Variants in TXNRD3 observed in about 807,000 individuals in gnomAD.
TXNRD3 encodes the protein TXNRD3 neighbor gene protein.
TXNRD3 carries 68 observed loss-of-function variants against 78.2 expected under a neutral mutation model. That is an observed-to-expected ratio of 0.87 (90% CI 0.72 to 1.06). The LOEUF is 1.06. TXNRD3 is among the 50% of genes least tolerant of loss of function. The probability of loss-of-function intolerance (pLI) is 0.00; values close to 1 mark genes in which losing one functional copy is unlikely to be tolerated. For missense variants in TXNRD3, 751 were observed against 809.5 expected, an observed-to-expected ratio of 0.93 and a Z score of 0.88; for synonymous variants, 296 against 300.1, an observed-to-expected ratio of 0.99 and a Z score of 0.14.
chr3:126,628,476 T>C (rs371649445), intron 10 of TXNRD3, among the ~76,000 whole-genome samples: 5 of 152,106 alleles, frequency 3.3e-5, no homozygotes, highest in Non-Finnish European at 4.4e-5. Context: ...TTTAGCAAGA[T>C]TACTGAATAC....
chr3:126,625,647 TA>T (rs1267920967), intron 10 of TXNRD3, among the ~76,000 whole-genome samples: 1 of 152,164 alleles, frequency 6.6e-6, no homozygotes, highest in African/African-American at 2.4e-5. Context: ...CAACATTATT[TA>T]TAATCCTTTG....
intron 10 of TXNRD3, among the ~76,000 whole-genome samples, chr3:126,628,772 C>A (rs550034503): frequency 8.5e-5 from 13 of 152,144 alleles, no homozygotes; most frequent in Non-Finnish European, 1.6e-4. Flanking sequence ...CCAATCCAAT[C>A]CTAATCAAAA....
intron 9 of TXNRD3, 98 bp from the exon 10 acceptor site, chr3:126,629,569 T>G: frequency 1.1e-6 from 1 of 902,776 alleles, no homozygotes; most frequent in Non-Finnish European, 1.6e-6. Context: ...ATTTGTGTGT[T>G]TGGTGGTGGT....
intron 13 of TXNRD3, among the ~76,000 whole-genome samples, chr3:126,613,853 C>T (rs1411340438): frequency 2.0e-5 from 3 of 152,242 alleles, no homozygotes; most frequent in African/African-American, 4.8e-5. Context: ...TTATACCATA[C>T]ATTCTACTAT....
At chr3:126,644,480 G>T in intron 3 of TXNRD3, 79 bp from the exon 4 acceptor site, 1 of 903,438 alleles carries the variant, frequency 1.1e-6, no homozygotes, top group Non-Finnish European at 1.6e-6. Flanking sequence ...ATGTTCAACT[G>T]GTATGGATTT....
intron 7 of TXNRD3, among the ~76,000 whole-genome samples, chr3:126,633,695 T>G (rs1938780273): frequency 6.6e-6 from 1 of 152,178 alleles, no homozygotes; most frequent in African/African-American, 2.4e-5. Flanking sequence ...AATTTTTAAT[T>G]AAGAGTTCTT....
At chr3:126,630,997 T>C (rs1474556863) in intron 8 of TXNRD3, 60 bp from the exon 9 acceptor site, 1 of 1,451,486 alleles carries the variant, frequency 6.9e-7, no homozygotes, top group Non-Finnish European at 9.3e-7. Flanking sequence ...GAGTTATTCA[T>C]GTTTCAGTGT....
chr3:126,608,448 T>C, intron 15 of TXNRD3, 51 bp downstream of exon 15: 1 of 1,473,588 alleles, frequency 6.8e-7, no homozygotes, highest in Non-Finnish European at 8.9e-7. Flanking sequence ...TTATAATAGT[T>C]TTTCAAACTA....
chr3:126,648,979 C>G (rs1933306089), intron 1 of TXNRD3, among the ~76,000 whole-genome samples: 2 of 152,146 alleles, frequency 1.3e-5, no homozygotes, highest in African/African-American at 2.4e-5. Flanking sequence ...ATAGCCACGG[C>G]ACTCCAGCCT....
intron 14 of TXNRD3, among the ~76,000 whole-genome samples, chr3:126,609,888 T>C (rs1938156238): frequency 6.6e-6 from 1 of 152,168 alleles, no homozygotes; most frequent in South Asian, 2.1e-4. Context: ...TAACAATGTG[T>C]ACAGTCTCTC....
chr3:126,636,268 T>C (rs1306500528), intron 6 of TXNRD3, among the ~76,000 whole-genome samples: 2 of 152,238 alleles, frequency 1.3e-5, no homozygotes, highest in Non-Finnish European at 2.9e-5. Flanking sequence ...ATGTATGTTG[T>C]ATATAATCAT....
At position 126,645,512 on chromosome 3, in the gene TXNRD3, CTTAA is replaced by C. The variant is rs367893858; in HGVS notation, c.414+595_414+598del. On this transcript the variant is annotated intron_variant, in intron 3 of 15. Transcript: ENST00000524230. ...CTTTTTTCTCCACAAAAATATAATTCTTAATTAAAGTCTCAAATACAACTATTTA... is the reference window on the plus strand; with the variant it reads ...CTTTTTTCTCCACAAAAATATAATTCTTAAAGTCTCAAATACAACTATTTA... 5.5e-3 allele frequency among the ~76,000 whole-genome samples: 843 copies of C among 152,240 alleles called. 8 individuals carry two copies. Among genetic ancestry groups the C allele is most frequent in the African/African-American group, 0.019 (786 of 41,532 alleles).
intron 7 of TXNRD3, 99 bp from the exon 8 acceptor site, chr3:126,631,978 A>G: frequency 1.4e-6 from 1 of 716,502 alleles, no homozygotes; most frequent in Non-Finnish European, 2.4e-6. Flanking sequence ...CTCATTCAAC[A>G]GCAACAGCAG....
intron 12 of TXNRD3, among the ~76,000 whole-genome samples, chr3:126,618,443 A>G (rs557895141): frequency 1.3e-5 from 2 of 152,322 alleles, no homozygotes; most frequent in African/African-American, 4.8e-5. Context: ...AATTTTTGAC[A>G]AAGGAACCAA....
chr3:126,646,135 T>C lies in TXNRD3; in HGVS notation c.390A>G (p.Val130=). The C allele has an allele frequency of 6.5e-7, 1 of 1,532,672 alleles. No homozygotes were observed. Among genetic ancestry groups the C allele is most frequent in the African/African-American group, 1.4e-5 (1 of 72,918 alleles). 94.9% of individuals were successfully genotyped at this position (1,532,672 alleles called of 1,614,324 possible). ...CCTGGAAAGTTTGGTCACATCCACC[T>C]ACATGCACTTTATTCACGAAAATAT... Residue 130 remains valine (V), a synonymous_variant, in exon 3 of 16, where the codon GTA becomes GTG. Transcript: ENST00000524230.
chr3:126,645,234 G>T (rs1015065219), intron 3 of TXNRD3, among the ~76,000 whole-genome samples: 1 of 152,170 alleles, frequency 6.6e-6, no homozygotes, highest in African/African-American at 2.4e-5. Context: ...GGTGCCCTTA[G>T]GGAAATCCAC....
Position 126,654,729 on chromosome 3 carries a change from C to T in TXNRD3, c.243+19G>A, listed in dbSNP as rs1411806916. The T allele has an allele frequency of 7.0e-6, 9 of 1,286,668 alleles. No homozygotes were observed. The highest frequency in any genetic ancestry group is 4.7e-5 in the African/African-American group (3 of 64,428). 79.7% of individuals were successfully genotyped at this position (1,286,668 alleles called of 1,614,324 possible). On this transcript the variant is annotated intron_variant, in intron 1 of 15. Transcript: ENST00000524230. ...CGGGCCCGGTCGCGCGCGGTGGAAC[C>T]GGCGAGGGCCGCGCCTACCCGAGTA... is the stretch of plus-strand genomic sequence containing the variant.
intron 7 of TXNRD3, among the ~76,000 whole-genome samples, chr3:126,633,316 A>G (rs1490468146): frequency 6.6e-6 from 1 of 152,210 alleles, no homozygotes; most frequent in Non-Finnish European, 1.5e-5. Flanking sequence ...AATACAAAAT[A>G]ATCTAAAATC....
At chr3:126,631,942 A>C in intron 7 of TXNRD3, 63 bp from the exon 8 acceptor site, 8 of 1,047,490 alleles carry the variant, frequency 7.6e-6, no homozygotes, top group Non-Finnish European at 1.1e-5. Flanking sequence ...ACCCTGGACA[A>C]AATAGTTACT....
Sources: allele counts gnomAD v4.1 joint callset (sites outside exome capture counted in the v4.1 genomes callset), GRCh38; gene constraint gnomAD v4.1.1; transcripts MANE v1.5; gene names NCBI Gene and HGNC (gene_info 2026-07-23, HGNC 2026-07-21).